The following GFPT2 variants were observed in gnomAD, a reference collection of about 807,000 sequenced individuals.
GFPT2 encodes glutamine--fructose-6-phosphate transaminase 2, also known as glutamine--fructose-6-phosphate aminotransferase [isomerizing] 2.
GFPT2 carries 62 observed loss-of-function variants against 85.6 expected under a neutral mutation model. That is an observed-to-expected ratio of 0.72 (90% CI 0.59 to 0.90). GFPT2 has a LOEUF of 0.90. Among genes scored for constraint, GFPT2 ranks in the 40% least tolerant of loss-of-function variants. GFPT2 has a pLI of 0.00. For synonymous variants in GFPT2, 368 were observed against 344.5 expected (o/e 1.07, Z -0.75); for missense variants, 788 against 893.4 (o/e 0.88, Z 1.50).
At chr5:180,334,787 C>T (rs1054276525) in intron 4 of GFPT2, among the ~76,000 whole-genome samples, 1 of 152,208 alleles carries the variant, frequency 6.6e-6, no homozygotes, top group Non-Finnish European at 1.5e-5. Flanking sequence ...ATGTCTTAGA[C>T]TCCTGCCTGC....
intron 17 of GFPT2, among the ~76,000 whole-genome samples, chr5:180,303,430 A>C (rs1402815018): frequency 6.6e-6 from 1 of 152,148 alleles, no homozygotes; most frequent in East Asian, 1.9e-4. Flanking sequence ...GCCAGCGCAA[A>C]GGCCCGGAGG....
intron 3 of GFPT2, 28 bp from the exon 4 acceptor site, chr5:180,335,981 C>A: frequency 6.4e-7 from 1 of 1,551,888 alleles, no homozygotes; most frequent in Non-Finnish European, 8.7e-7. Context: ...CAGTTTGCCG[C>A]ACTTGAACAA....
chr5:180,321,844 C>T lies in GFPT2; in HGVS notation c.794+2344G>A, dbSNP rs547375976. On this transcript the variant is annotated intron_variant, in intron 9 of 18. Coordinates refer to ENST00000253778, the MANE Select transcript of GFPT2 (RefSeq NM_005110.4). Reference sequence around the variant, plus strand: ...TGTTGCCCAGGCTGGAGTGCAGTGGCGCGATCTCGGCTCACTGCAAGCTCC... The same window carrying T: ...TGTTGCCCAGGCTGGAGTGCAGTGGTGCGATCTCGGCTCACTGCAAGCTCC... Among the ~76,000 whole-genome samples the T allele has an allele frequency of 5.8e-4, 88 of 152,308 alleles. 4 individuals are homozygous for T. The South Asian group carries it at 0.012, about 20-fold the overall frequency.
intron 9 of GFPT2, among the ~76,000 whole-genome samples, chr5:180,322,936 G>A (rs1331779229): frequency 2.0e-5 from 3 of 152,036 alleles, no homozygotes; most frequent in Admixed American, 6.6e-5. Context: ...CTCAGAGGCT[G>A]AGGCAGGAGA....
intron 15 of GFPT2, among the ~76,000 whole-genome samples, chr5:180,309,954 G>A (rs1339119846): frequency 6.6e-6 from 1 of 151,496 alleles, no homozygotes; most frequent in Non-Finnish European, 1.5e-5. Context: ...GGGACTACAG[G>A]TGCCCACCAC....
At chr5:180,331,385 G>T in intron 5 of GFPT2, 110 bp downstream of exon 5, 1 of 700,382 alleles carries the variant, frequency 1.4e-6, no homozygotes, top group African/African-American at 1.8e-5. Context: ...GCTGAGTGTG[G>T]GTCTCACTCA....
intron 3 of GFPT2, chr5:180,336,196 A>G (rs1297668044): frequency 1.8e-6 from 1 of 571,078 alleles, no homozygotes; most frequent in East Asian, 2.9e-5. Context: ...AAAATGATAT[A>G]TCCCTACCAT....
chr5:180,304,395 A>G (rs1763737740), intron 17 of GFPT2, among the ~76,000 whole-genome samples: 1 of 152,152 alleles, frequency 6.6e-6, no homozygotes, highest in Non-Finnish European at 1.5e-5. Flanking sequence ...TCTTATGGAA[A>G]GCTGTGCCCC....
chr5:180,337,738 G>A (rs961843214), intron 2 of GFPT2, among the ~76,000 whole-genome samples: 2 of 151,952 alleles, frequency 1.3e-5, no homozygotes, highest in Non-Finnish European at 2.9e-5. Context: ...TTGGAGGCAC[G>A]TGTGCCCCCA....
In GFPT2 at chr5:180,302,555, G is replaced by C. The variant is rs371527867; in HGVS notation, c.1872C>G (p.Asp624Glu). ...ACGCAAACTTGGAACTTTCAGTATC[G>C]TCCTTGGAGCACAGTATAATGGGGC... ...QGRPIILCSK[D>E]DTESSKFAYK... Residue 624 changes from aspartate to glutamate, a missense_variant, in exon 18 of 19, where the codon GAC (aspartate) becomes GAG (glutamate). Physicochemically the swap from Asp to Glu is conservative, Grantham distance 45. Coordinates refer to ENST00000253778, the MANE Select transcript of GFPT2 (RefSeq NM_005110.4). 2 of 1,613,772 alleles carry C rather than the reference G, an allele frequency of 1.2e-6. No individual in the cohort carries two copies. Among genetic ancestry groups the C allele is most frequent in the African/African-American group, 1.3e-5 (1 of 74,910 alleles).
At chr5:180,329,270 C>T (rs1364740218) in intron 6 of GFPT2, among the ~76,000 whole-genome samples, 4 of 152,156 alleles carry the variant, frequency 2.6e-5, no homozygotes, top group Admixed American at 1.3e-4. Context: ...CCTGAGTCAC[C>T]GTCCCCAGGC....
chr5:180,333,665 GTGGTA>G (rs879820937), intron 4 of GFPT2, among the ~76,000 whole-genome samples: 18 of 152,184 alleles, frequency 1.2e-4, no homozygotes, highest in Non-Finnish European at 1.8e-4. Flanking sequence ...ATTTCCTTGT[GTGGTA>G]TAGTTGCTGG....
intron 8 of GFPT2, 40 bp downstream of exon 8, chr5:180,324,776 C>G (rs1358411392): frequency 7.7e-7 from 1 of 1,305,918 alleles, no homozygotes; most frequent in South Asian, 1.2e-5. Flanking sequence ...TCCTGCGACA[C>G]CAGCAGCTGT....
In GFPT2 at chr5:180,304,896, G is replaced by C. The variant is rs1217710309; in HGVS notation, c.1718C>G (p.Ala573Gly). The C allele has an allele frequency of 6.2e-7, 1 of 1,613,254 alleles. No individual in the cohort carries two copies. Among genetic ancestry groups the C allele is most frequent in the South Asian group, 1.1e-5 (1 of 91,072 alleles). The change falls in exon 17 of 19, where the codon GCT becomes GGT. Residue 573 changes from alanine to glycine, a missense_variant. Physicochemically the swap from Ala to Gly is moderately conservative, Grantham distance 60 (BLOSUM62 0). Coordinates refer to ENST00000253778, the MANE Select transcript of GFPT2 (RefSeq NM_005110.4). The part of the protein sequence containing the change: ...ITYMHSEGIL[A>G]GELKHGPLAL... ...CAGGGGCCCGTGCTTCAGCTCCCCAGCCAGGATGCCTTCTGAGTGCATGTA... is the reference window on the plus strand; with the variant it reads ...CAGGGGCCCGTGCTTCAGCTCCCCACCCAGGATGCCTTCTGAGTGCATGTA...
intron 16 of GFPT2, 50 bp downstream of exon 16, chr5:180,307,126 T>A (rs1274118049): frequency 6.9e-7 from 1 of 1,453,542 alleles, no homozygotes; most frequent in South Asian, 1.2e-5. Flanking sequence ...CTCCTCAGGG[T>A]CTCCTGTGCC....
Position 180,320,149 on chromosome 5 carries a change from T to C in GFPT2, c.795-1193A>G, listed in dbSNP as rs148186967. Reference sequence around the variant, plus strand: ...CTGGGACTACAGGTGCCCGACACCATGCCCGGCTACTTTTTTGTATTTTTA... The same window carrying C: ...CTGGGACTACAGGTGCCCGACACCACGCCCGGCTACTTTTTTGTATTTTTA... On this transcript the variant is annotated intron_variant, in intron 9 of 18. Coordinates refer to ENST00000253778, the MANE Select transcript of GFPT2 (RefSeq NM_005110.4). Among the ~76,000 whole-genome samples the C allele has an allele frequency of 2.1e-3, 321 of 152,104 alleles. 1 individual carries two copies. Among genetic ancestry groups the C allele is most frequent in the African/African-American group, 6.9e-3 (288 of 41,524 alleles).
chr5:180,331,702 A>G, intron 4 of GFPT2, 149 bp from the exon 5 acceptor site: 12 of 665,698 alleles, frequency 1.8e-5, no homozygotes, highest in South Asian at 1.8e-4. Context: ...ATTAGCACAG[A>G]TGTTTACGGC....
intron 4 of GFPT2, among the ~76,000 whole-genome samples, chr5:180,332,687 G>C (rs549912293): frequency 6.6e-6 from 1 of 152,050 alleles, no homozygotes; most frequent in Non-Finnish European, 1.5e-5. Flanking sequence ...GCAGGTGCTC[G>C]CCACCACACC....
chr5:180,317,631 C>A (rs973410469), intron 10 of GFPT2, among the ~76,000 whole-genome samples: 2 of 142,328 alleles, frequency 1.4e-5, no homozygotes, highest in African/African-American at 5.5e-5. Context: ...TAGTGGCGGG[C>A]GCCTGTAGTC....
Sources: gnomAD v4.1 joint callset for allele counts (sites outside exome capture counted in the v4.1 genomes callset) on GRCh38, gnomAD v4.1.1 for gene constraint, MANE v1.5 for transcripts, NCBI Gene and HGNC (gene_info 2026-07-23, HGNC 2026-07-21) for gene names.